ASIC2: variants seen among roughly 807,000 people sequenced by gnomAD.
ASIC2 encodes the protein acid sensing ion channel subunit 2.
In ASIC2, 25 loss-of-function variants were observed where a neutral mutation model predicts 57.3. That is an observed-to-expected ratio of 0.44 (90% CI 0.32 to 0.61). The LOEUF (loss-of-function observed/expected upper bound fraction) is 0.61, where lower values mean the gene tolerates loss of function less well. Among genes scored for constraint, ASIC2 ranks in the 20% least tolerant of loss-of-function variants. The pLI is 0.06. For missense variants in ASIC2, 641 were observed against 738.1 expected (o/e 0.87, Z 1.52); for synonymous variants, 319 against 307.5 (o/e 1.04, Z -0.39).
chr17:34,102,412 C>T (rs767710903), intron 1 of ASIC2, among the ~76,000 whole-genome samples: 1 of 152,016 alleles, frequency 6.6e-6, no homozygotes, highest in African/African-American at 2.4e-5. Flanking sequence ...CTAGCCATAT[C>T]AAGATACAGA....
chr17:33,093,456 A>C (rs1307235589), intron 2 of ASIC2, among the ~76,000 whole-genome samples: 1 of 152,164 alleles, frequency 6.6e-6, no homozygotes, highest in Non-Finnish European at 1.5e-5. Context: ...GAGAGTGCAG[A>C]GAGAAAGGGA....
intron 1 of ASIC2, among the ~76,000 whole-genome samples, chr17:33,896,388 G>T (rs1302578202): frequency 6.6e-5 from 10 of 152,316 alleles, no homozygotes; most frequent in Non-Finnish European, 1.3e-4. Context: ...TTTTTTTGGG[G>T]GGAATCTTCC....
intron 1 of ASIC2, among the ~76,000 whole-genome samples, chr17:34,151,702 G>A (rs1904531881): frequency 6.6e-6 from 1 of 152,178 alleles, no homozygotes; most frequent in Admixed American, 6.5e-5. Flanking sequence ...CAAAGCTGTT[G>A]GTGAAGTTAT....
At chr17:33,210,325 C>G (rs1847464666) in intron 1 of ASIC2, among the ~76,000 whole-genome samples, 2 of 152,258 alleles carry the variant, frequency 1.3e-5, no homozygotes, top group African/African-American at 4.8e-5. Flanking sequence ...GCTGAGCCTA[C>G]TTCCTCATGT....
At chr17:34,081,356 A>G (rs1909875467) in intron 1 of ASIC2, among the ~76,000 whole-genome samples, 1 of 152,222 alleles carries the variant, frequency 6.6e-6, no homozygotes, top group Non-Finnish European at 1.5e-5. Context: ...AGATATCCTT[A>G]GAAGTGATAG....
chr17:33,590,843 G>A (rs1292993083), intron 1 of ASIC2, among the ~76,000 whole-genome samples: 1 of 152,164 alleles, frequency 6.6e-6, no homozygotes, highest in East Asian at 1.9e-4. Context: ...AGAAATTCTG[G>A]AGCTGTAGTC....
intron 1 of ASIC2, among the ~76,000 whole-genome samples, chr17:34,044,851 C>T (rs1165753425): frequency 2.0e-5 from 3 of 152,160 alleles, no homozygotes; most frequent in Admixed American, 6.5e-5. Flanking sequence ...TCTTGGCATC[C>T]CATGGTTCAA....
At chr17:34,129,828 G>A (rs1016024012) in intron 1 of ASIC2, among the ~76,000 whole-genome samples, 5 of 152,170 alleles carry the variant, frequency 3.3e-5, no homozygotes, top group South Asian at 2.1e-4. Context: ...TCTAGAAGAC[G>A]GGGCATCCTA....
At chr17:34,000,233 T>C (rs1906292664) in intron 1 of ASIC2, among the ~76,000 whole-genome samples, 1 of 150,390 alleles carries the variant, frequency 6.6e-6, no homozygotes, top group African/African-American at 2.5e-5. Context: ...GATTATAACA[T>C]ATGTCAGTGG....
chr17:33,840,102 T>C (rs1567730818), intron 1 of ASIC2, among the ~76,000 whole-genome samples: 1 of 152,266 alleles, frequency 6.6e-6, no homozygotes, highest in African/African-American at 2.4e-5. Flanking sequence ...ATTTATTTGG[T>C]GTGGTTTTCC....
At chr17:33,390,003 G>T (rs921865291) in intron 1 of ASIC2, among the ~76,000 whole-genome samples, 1 of 152,050 alleles carries the variant, frequency 6.6e-6, no homozygotes, top group Non-Finnish European at 1.5e-5. Flanking sequence ...GGCACATGCT[G>T]CTCCTTCTGC....
chr17:33,796,352 T>A (rs1424916839), intron 1 of ASIC2, among the ~76,000 whole-genome samples: 2 of 152,194 alleles, frequency 1.3e-5, no homozygotes, highest in East Asian at 3.8e-4. Context: ...ACAAGTCATT[T>A]TGCTCCTCAG....
At chr17:33,711,395 C>T (rs891219344) in intron 1 of ASIC2, among the ~76,000 whole-genome samples, 3 of 152,170 alleles carry the variant, frequency 2.0e-5, no homozygotes, top group Non-Finnish European at 4.4e-5. Context: ...TTATACCCAC[C>T]TGGGTGAGAG....
In ASIC2 at chr17:34,013,693, G is replaced by A. The variant is rs140240753; in HGVS notation, c.555+142285C>T. 8.3e-3 allele frequency among the ~76,000 whole-genome samples: 1,261 copies of A among 152,300 alleles called. 13 individuals carry two copies. Among genetic ancestry groups the A allele is most frequent in the African/African-American group, 0.029 (1,185 of 41,568 alleles). ...AACTGGGGCTCTGAGAGGGTAAGTC[G>A]CTTCTCCAGGCCACATTGCTAAAGG... is the stretch of plus-strand genomic sequence containing the variant. On this transcript the variant is annotated intron_variant, in intron 1 of 9. Transcript: ENST00000359872.
intron 1 of ASIC2, among the ~76,000 whole-genome samples, chr17:33,518,740 T>C (rs1362687427): frequency 2.6e-5 from 4 of 152,228 alleles, no homozygotes; most frequent in Non-Finnish European, 5.9e-5. Flanking sequence ...CAAGAATAAA[T>C]GCTTAGTGTG....
chr17:33,372,636 C>A (rs928303706), intron 1 of ASIC2, among the ~76,000 whole-genome samples: 11 of 152,188 alleles, frequency 7.2e-5, no homozygotes, highest in Non-Finnish European at 1.6e-4. Flanking sequence ...ACTCTCCCAC[C>A]TCCCACACTC....
chr17:33,852,243 C>A (rs200762814), intron 1 of ASIC2, among the ~76,000 whole-genome samples: 2 of 152,234 alleles, frequency 1.3e-5, no homozygotes, highest in East Asian at 3.9e-4. Context: ...TTTACCAAAG[C>A]AGTTCACTCC....
chr17:33,483,530 C>T (rs148447570), intron 1 of ASIC2, among the ~76,000 whole-genome samples: 4 of 152,324 alleles, frequency 2.6e-5, no homozygotes, highest in East Asian at 3.9e-4. Context: ...CATTGTGGGC[C>T]GTTCTTAGCT....
intron 1 of ASIC2, among the ~76,000 whole-genome samples, chr17:33,319,631 T>A (rs138772550): frequency 6.6e-6 from 1 of 152,248 alleles, no homozygotes; most frequent in Non-Finnish European, 1.5e-5. Context: ...CAAGCATTTA[T>A]CCTTTCTTTG....
Sources: gnomAD v4.1 joint callset for allele counts (sites outside exome capture counted in the v4.1 genomes callset) on GRCh38, gnomAD v4.1.1 for gene constraint, MANE v1.5 for transcripts, NCBI Gene and HGNC (gene_info 2026-07-23, HGNC 2026-07-21) for gene names.